Variants in USP34 observed in about 807,000 individuals in gnomAD.
The protein encoded by USP34 is ubiquitin carboxyl-terminal hydrolase 34.
A neutral mutation model predicts 460.3 loss-of-function variants in USP34; 70 were observed. The ratio of observed to expected loss-of-function variants is 0.15; its 90% CI spans 0.13 to 0.19. The LOEUF is 0.19. USP34 is among the 10% of genes least tolerant of loss of function. The pLI, the probability that USP34 is intolerant of heterozygous loss-of-function variation, is 1.00. For missense variants in USP34, 3,985 were observed against 4,236.2 expected, an observed-to-expected ratio of 0.94 and a Z score of 1.65; for synonymous variants, 1,647 against 1,405.3, an observed-to-expected ratio of 1.17 and a Z score of -3.85.
chr2:61,206,722 T>C, intron 71 of USP34, 38 bp downstream of exon 71: 3 of 1,605,638 alleles, frequency 1.9e-6, no homozygotes, highest in South Asian at 1.1e-5. Flanking sequence ...TCTTTACTAG[T>C]AGCACGAACA....
At chr2:61,441,588 C>A (rs1234027425) in intron 1 of USP34, among the ~76,000 whole-genome samples, 1 of 151,928 alleles carries the variant, frequency 6.6e-6, no homozygotes, top group Non-Finnish European at 1.5e-5. Flanking sequence ...CACTCGGCTG[C>A]CCAGCCTAGG....
At chr2:61,342,793 TGAAAA>T (rs1174389140) in intron 16 of USP34, among the ~76,000 whole-genome samples, 1 of 152,170 alleles carries the variant, frequency 6.6e-6, no homozygotes, top group Non-Finnish European at 1.5e-5. Flanking sequence ...CAATGGGTTG[TGAAAA>T]GAAAACCATT....
intron 20 of USP34, among the ~76,000 whole-genome samples, chr2:61,326,060 T>C (rs1233213235): frequency 1.3e-5 from 2 of 152,144 alleles, no homozygotes; most frequent in East Asian, 1.9e-4. Flanking sequence ...TGAGTCTGAA[T>C]AGATCAACAA....
At chr2:61,297,629 A>G (rs1010038961) in intron 29 of USP34, among the ~76,000 whole-genome samples, 1 of 152,228 alleles carries the variant, frequency 6.6e-6, no homozygotes, top group Non-Finnish European at 1.5e-5. Context: ...TACTGCTACT[A>G]TCACAGTGAT....
At chr2:61,274,122 G>A (rs1408632812) in intron 41 of USP34, among the ~76,000 whole-genome samples, 8 of 151,914 alleles carry the variant, frequency 5.3e-5, no homozygotes, top group Non-Finnish European at 1.0e-4. Flanking sequence ...AGGTGAGGTG[G>A]TTCACGCCTG....
chr2:61,364,812 C>A (rs1449265338), intron 10 of USP34, among the ~76,000 whole-genome samples: 1 of 152,008 alleles, frequency 6.6e-6, no homozygotes, highest in Non-Finnish European at 1.5e-5. Context: ...CGTCTGTAAT[C>A]CCAGCTACTC....
intron 10 of USP34, among the ~76,000 whole-genome samples, chr2:61,364,299 G>C (rs894976902): frequency 6.6e-6 from 1 of 152,164 alleles, no homozygotes; most frequent in East Asian, 1.9e-4. Context: ...GAGTTTTGAG[G>C]CTGCAGCAGT....
At chr2:61,467,616 TG>T (rs755754078) in intron 1 of USP34, among the ~76,000 whole-genome samples, 4 of 126,214 alleles carry the variant, frequency 3.2e-5, no homozygotes, top group African/African-American at 8.9e-5. Flanking sequence ...ACTGTAACTT[TG>T]TTTTTTTTTT....
At chr2:61,427,234 T>C (rs1694539319) in intron 1 of USP34, among the ~76,000 whole-genome samples, 1 of 152,200 alleles carries the variant, frequency 6.6e-6, no homozygotes, top group African/African-American at 2.4e-5. Context: ...TTCACCATGT[T>C]AGCCAGGATA....
At chr2:61,430,375 G>A (rs1573033998) in intron 1 of USP34, among the ~76,000 whole-genome samples, 1 of 152,222 alleles carries the variant, frequency 6.6e-6, no homozygotes, top group Non-Finnish European at 1.5e-5. Context: ...TTGCACTCCG[G>A]CCTGGGTGGC....
chr2:61,209,635 A>C (rs1687216511), intron 69 of USP34, among the ~76,000 whole-genome samples: 1 of 152,238 alleles, frequency 6.6e-6, no homozygotes, highest in Non-Finnish European at 1.5e-5. Flanking sequence ...TACAGTACCT[A>C]ATACTTGATA....
rs763864828 is a variant in USP34 at position 61,311,591 on chromosome 2, G to C, written c.3766C>G (p.Gln1256Glu). 2 of 1,613,190 alleles carry C rather than the reference G, an allele frequency of 1.2e-6. No homozygotes were observed. The highest frequency in any genetic ancestry group is 2.2e-5 in the East Asian group (1 of 44,820). Residue 1256 changes from glutamine (Q) to glutamate (E), a missense_variant, in exon 27 of 80, where the codon CAA (glutamine) becomes GAA (glutamate). This residue lies in a region of USP34 where 1,114 missense variants were observed against 1,122.5 expected (regional missense o/e 0.99). Coordinates refer to ENST00000398571, the MANE Select transcript of USP34 (RefSeq NM_014709.4). ...TGACCAAACTCCTGAAGCTGAGCTT[G>C]TTGATTTATTTGTTCTTTCTGTAAA... Reference protein sequence around the residue: ...ENLQKEQINQQAQLQEFGQSN... With the variant: ...ENLQKEQINQEAQLQEFGQSN...
At chr2:61,233,291 T>C (rs1334765409) in intron 57 of USP34, among the ~76,000 whole-genome samples, 1 of 152,060 alleles carries the variant, frequency 6.6e-6, no homozygotes, top group Admixed American at 6.5e-5. Flanking sequence ...CAGAGGAACA[T>C]GTTAAACACC....
intron 1 of USP34, among the ~76,000 whole-genome samples, chr2:61,448,355 C>T (rs1228671760): frequency 2.6e-5 from 4 of 152,132 alleles, no homozygotes; most frequent in Non-Finnish European, 5.9e-5. Context: ...TGCCTGCAGT[C>T]CCAGGAGGAT....
intron 78 of USP34, chr2:61,189,441 T>C (rs1287191845): frequency 6.2e-6 from 1 of 162,036 alleles, no homozygotes; most frequent in Admixed American, 6.4e-5. Flanking sequence ...CCTGGCTTAA[T>C]TTTTTCTATT....
chr2:61,469,329 G>A (rs1474489037), intron 1 of USP34, among the ~76,000 whole-genome samples: 1 of 152,162 alleles, frequency 6.6e-6, no homozygotes, highest in Non-Finnish European at 1.5e-5. Flanking sequence ...ACTTGTATGT[G>A]AGATATAAAA....
intron 1 of USP34, among the ~76,000 whole-genome samples, chr2:61,429,955 T>C (rs187948813): frequency 6.6e-6 from 1 of 152,306 alleles, no homozygotes; most frequent in African/African-American, 2.4e-5. Flanking sequence ...GGCTCACGCC[T>C]GTAATCCCAG....
At chr2:61,381,537 T>C (rs917238796) in intron 6 of USP34, among the ~76,000 whole-genome samples, 2 of 152,100 alleles carry the variant, frequency 1.3e-5, no homozygotes, top group African/African-American at 4.8e-5. Context: ...AGTCTCGCTA[T>C]GTTGCCCAGA....
chr2:61,467,792 G>A (rs974191938), intron 1 of USP34, among the ~76,000 whole-genome samples: 1 of 151,488 alleles, frequency 6.6e-6, no homozygotes, highest in Non-Finnish European at 1.5e-5. Flanking sequence ...CCGGCTAATT[G>A]GTGAATTTTT....
Sources: allele counts gnomAD v4.1 joint callset (sites outside exome capture counted in the v4.1 genomes callset), GRCh38; gene constraint gnomAD v4.1.1; regional missense constraint gnomAD v4.1.1; transcripts MANE v1.5; gene names NCBI Gene and HGNC (gene_info 2026-07-23, HGNC 2026-07-21).